CEP120: variants seen among roughly 807,000 people sequenced by gnomAD.
CEP120 encodes centrosomal protein of 120 kDa.
CEP120 carries 113 observed loss-of-function variants against 126.5 expected under a neutral mutation model. That is an observed-to-expected ratio of 0.89 (90% CI 0.77 to 1.04). The LOEUF (loss-of-function observed/expected upper bound fraction) is 1.04. Ranked by LOEUF, CEP120 falls within the 50% of genes least tolerant of loss-of-function variation. The pLI is 0.00. For synonymous variants in CEP120, 400 were observed against 394.3 expected (o/e 1.01, Z -0.17); for missense variants, 1,230 against 1,155.7 (o/e 1.06, Z -0.93).
At chr5:123,369,834 ACT>A (rs1034612139) in intron 17 of CEP120, among the ~76,000 whole-genome samples, 72 of 151,686 alleles carry the variant, frequency 4.7e-4, no homozygotes, top group African/African-American at 1.7e-3. Context: ...TTATTTTTTT[ACT>A]CTCTCCTCTA....
chr5:123,354,626 T>C (rs912321599), intron 18 of CEP120, among the ~76,000 whole-genome samples: 2 of 152,072 alleles, frequency 1.3e-5, no homozygotes, highest in Non-Finnish European at 2.9e-5. Context: ...CCCCCTTTTA[T>C]AACTATGAAA....
chr5:123,411,798 T>C (rs551770762), intron 4 of CEP120, among the ~76,000 whole-genome samples: 7 of 152,262 alleles, frequency 4.6e-5, no homozygotes, highest in African/African-American at 1.2e-4. Flanking sequence ...TCAAAACCCA[T>C]AGAATGTCCA....
intron 4 of CEP120, chr5:123,401,307 T>C: frequency 1.9e-6 from 3 of 1,606,570 alleles, no homozygotes; most frequent in South Asian, 1.1e-5. Context: ...GCATCCTTAA[T>C]GGCCAGCTCT....
At chr5:123,368,574 T>C (rs1025556450) in intron 17 of CEP120, among the ~76,000 whole-genome samples, 1 of 151,938 alleles carries the variant, frequency 6.6e-6, no homozygotes, top group Admixed American at 6.6e-5. Flanking sequence ...CCAAGATAGC[T>C]TGGCAGTTAA....
chr5:123,364,364 AAAAGCCTCTAATCTC>A, intron 18 of CEP120, 117 bp downstream of exon 18: 1 of 406,452 alleles, frequency 2.5e-6, no homozygotes, highest in Non-Finnish European at 4.4e-6. Context: ...ATATTTTTAT[AAAAGCCTCTAATCTC>A]AAAAAATAGC....
At chr5:123,387,410 A>G (rs1236483320) in intron 9 of CEP120, among the ~76,000 whole-genome samples, 1 of 152,050 alleles carries the variant, frequency 6.6e-6, no homozygotes, top group African/African-American at 2.4e-5. Context: ...TTACCACCAC[A>G]CTACAGGATT....
chr5:123,416,040 C>T lies in CEP120; in HGVS notation c.291G>A (p.Leu97=). 1 of 1,613,786 alleles carries T rather than the reference C, an allele frequency of 6.2e-7. No individual in the cohort carries two copies. The highest frequency in any genetic ancestry group is 1.6e-4 in the Middle Eastern group (1 of 6,062). Residue 97 remains leucine, a synonymous_variant, in exon 3 of 20, where the codon CTG becomes CTA. Coordinates refer to ENST00000306467, the MANE Select transcript of CEP120 (RefSeq NM_001375405.1). ...TTGTTTCTTGAGCGGTTCTTAAATC[C>T]AGAACGATGTAACCTATGGTTTCCT... ...SAKETIGYIV[L]DLRTAQETKQ... is the part of the protein sequence containing the mutation.
Position 123,346,545 on chromosome 5 carries a change from A to G in CEP120, c.2935T>C (p.Leu979=), listed in dbSNP as rs1223525524. 1.2e-6 allele frequency: 2 copies of G among 1,611,612 alleles called. No homozygotes were observed. The highest frequency in any genetic ancestry group is 3.4e-5 in the Admixed American group (2 of 59,258). ...TAATTACTGGCATTGCTTTTTGCCAAAATCTCTCTGATCTGTCGGTCGAGT... is the reference window on the plus strand; with the variant it reads ...TAATTACTGGCATTGCTTTTTGCCAGAATCTCTCTGATCTGTCGGTCGAGT... ...SELDRQIREI[L]AKSNASN is the part of the protein sequence containing the mutation. The change falls in exon 20 of 20, where the codon TTG becomes CTG. Residue 979 remains leucine (L), a synonymous_variant. Coordinates refer to ENST00000306467, the MANE Select transcript of CEP120 (RefSeq NM_001375405.1).
chr5:123,380,794 C>G (rs1771585470), intron 14 of CEP120, among the ~76,000 whole-genome samples: 1 of 151,948 alleles, frequency 6.6e-6, no homozygotes, highest in Non-Finnish European at 1.5e-5. Context: ...TTTTCCAGCT[C>G]CCCCAGATTC....
intron 14 of CEP120, among the ~76,000 whole-genome samples, chr5:123,381,668 T>C (rs1369239995): frequency 6.6e-6 from 1 of 152,106 alleles, no homozygotes; most frequent in African/African-American, 2.4e-5. Context: ...GATTATAATA[T>C]GTAGTTTTAT....
At chr5:123,385,892 A>G (rs570569737) in intron 10 of CEP120, among the ~76,000 whole-genome samples, 16 of 152,336 alleles carry the variant, frequency 1.1e-4, no homozygotes, top group Non-Finnish European at 2.2e-4. Context: ...GGTGTAAGTC[A>G]CCATGCCAGG....
intron 3 of CEP120, among the ~76,000 whole-genome samples, chr5:123,414,626 A>G (rs544872178): frequency 1.3e-5 from 2 of 152,268 alleles, no homozygotes; most frequent in East Asian, 3.9e-4. Context: ...ATTGCAAGGG[A>G]GATTTCTAAA....
chr5:123,345,654 C>T lies in CEP120; in HGVS notation c.*865G>A, dbSNP rs1278477458. 1 of 152,056 alleles carries T rather than the reference C, an allele frequency of 6.6e-6. No individual in the cohort carries two copies. Among genetic ancestry groups the T allele is most frequent in the African/African-American group, 2.4e-5 (1 of 41,418 alleles). 9.4% of individuals were successfully genotyped at this position (152,056 alleles called of 1,614,324 possible). On this transcript the variant is annotated 3_prime_UTR_variant, in exon 20 of 20. Transcript: ENST00000306467. ...AGTGAATCTCGTGCGCTTTTGAAAA[C>T]GATTGATTGAAATTAGCGGGAGTAA...
chr5:123,372,669 T>C lies in CEP120; in HGVS notation c.2462A>G (p.Asn821Ser), dbSNP rs765442218. Residue 821 changes from asparagine to serine, a missense_variant, in exon 17 of 20, where the codon AAT (asparagine) becomes AGT (serine). Coordinates refer to ENST00000306467, the MANE Select transcript of CEP120 (RefSeq NM_001375405.1). Reference sequence around the variant, plus strand: ...GTGTACCTTTTCCAAGGTGAGAAGATTTATTTCAGACTGTAGACGGATTTC... The same window carrying C: ...GTGTACCTTTTCCAAGGTGAGAAGACTTATTTCAGACTGTAGACGGATTTC... ...KPEIRLQSEI[N>S]LLTLEKVELE... 12 of 1,612,216 alleles carry C rather than the reference T, an allele frequency of 7.4e-6. No homozygotes were observed. In the South Asian group the frequency reaches 1.1e-4, roughly 15 times the overall value.
chr5:123,389,659 CCTGG>C (rs1386544932), intron 8 of CEP120, among the ~76,000 whole-genome samples: 1 of 152,088 alleles, frequency 6.6e-6, no homozygotes, highest in Non-Finnish European at 1.5e-5. Context: ...CACCACCACG[CCTGG>C]CTAATTTTGT....
intron 1 of CEP120, among the ~76,000 whole-genome samples, chr5:123,421,751 TA>T (rs1172222525): frequency 3.9e-5 from 6 of 152,166 alleles, no homozygotes; most frequent in Non-Finnish European, 8.8e-5. Flanking sequence ...CATGGTCAGT[TA>T]TAAGTCTAAA....
At chr5:123,352,836 A>T (rs941754560) in intron 18 of CEP120, among the ~76,000 whole-genome samples, 1 of 151,984 alleles carries the variant, frequency 6.6e-6, no homozygotes, top group Non-Finnish European at 1.5e-5. Flanking sequence ...AGGTCTTTTG[A>T]TAATAGTTTA....
rs540295112 is a variant in CEP120, at chr5:123,422,337, T to C, written c.49+613A>G. ...GGGTCTTCCACATCCTGATGAATTATTTGCTGACACACTCTCCTTGCTACA... is the reference window on the plus strand; with the variant it reads ...GGGTCTTCCACATCCTGATGAATTACTTGCTGACACACTCTCCTTGCTACA... On this transcript the variant is annotated intron_variant, in intron 1 of 19. Transcript: ENST00000306467. 9.6e-5 allele frequency: 60 copies of C among 623,292 alleles called. No homozygotes were observed. The African/African-American group carries it at 1.0e-3, about 11-fold the overall frequency. The allele number at this position is 623,292 out of a possible 1,614,324, so 38.6% of individuals were successfully genotyped here.
At chr5:123,401,770 C>T in intron 4 of CEP120, 1 of 1,226,844 alleles carries the variant, frequency 8.2e-7, no homozygotes, top group Non-Finnish European at 1.2e-6. Flanking sequence ...AGGACAAATT[C>T]ATTCTCCATC....
Sources: allele counts gnomAD v4.1 joint callset (sites outside exome capture counted in the v4.1 genomes callset), GRCh38; gene constraint gnomAD v4.1.1; transcripts MANE v1.5; gene names NCBI Gene and HGNC (gene_info 2026-07-23, HGNC 2026-07-21).